Variants in SNX14 observed in about 807,000 individuals in gnomAD.
SNX14 encodes the protein sorting nexin 14.
Under a neutral mutation model 133.8 loss-of-function variants are expected in SNX14, and 93 were observed. The ratio of observed to expected loss-of-function variants is 0.70; its 90% CI spans 0.59 to 0.83. The LOEUF (loss-of-function observed/expected upper bound fraction) is 0.83. Among genes scored for constraint, SNX14 ranks in the 40% least tolerant of loss-of-function variants. SNX14 has a pLI of 0.00. For missense variants in SNX14, 945 were observed against 1,094.9 expected (o/e 0.86, Z 1.93); for synonymous variants, 368 against 365.6 (o/e 1.01, Z -0.07).
intron 6 of SNX14, among the ~76,000 whole-genome samples, chr6:85,561,620 T>C (rs190592250): frequency 9.5e-4 from 144 of 151,950 alleles, no homozygotes; most frequent in African/African-American, 3.1e-3. Context: ...AAAAGCTACA[T>C]GCAATAGAAA....
At chr6:85,567,493 C>A in intron 5 of SNX14, 41 bp downstream of exon 5, 1 of 1,362,874 alleles carries the variant, frequency 7.3e-7, no homozygotes, top group South Asian at 1.3e-5. Context: ...TAATAGTATT[C>A]ACTGTATCAC....
chr6:85,585,277 C>T (rs1466451154), intron 1 of SNX14, among the ~76,000 whole-genome samples: 1 of 151,938 alleles, frequency 6.6e-6, no homozygotes, highest in African/African-American at 2.4e-5. Context: ...AGGAGAAATA[C>T]CTAATGTAGA....
intron 12 of SNX14, among the ~76,000 whole-genome samples, chr6:85,546,808 C>A (rs1334118714): frequency 2.6e-5 from 4 of 151,862 alleles, no homozygotes; most frequent in African/African-American, 9.7e-5. Context: ...ACTAAAAATA[C>A]AAAATTAGCT....
At chr6:85,508,477 A>T in intron 26 of SNX14, 1 of 738,568 alleles carries the variant, frequency 1.4e-6, no homozygotes, top group Non-Finnish European at 1.7e-6. Flanking sequence ...TTAACACCCA[A>T]TGTAGGATAA....
At chr6:85,552,818 G>C (rs987136486) in intron 7 of SNX14, among the ~76,000 whole-genome samples, 1 of 152,154 alleles carries the variant, frequency 6.6e-6, no homozygotes, top group Non-Finnish European at 1.5e-5. Flanking sequence ...CCTGGAGAGA[G>C]TTACACCCAC....
At chr6:85,531,090 A>G (rs915780404) in intron 18 of SNX14, among the ~76,000 whole-genome samples, 1 of 152,230 alleles carries the variant, frequency 6.6e-6, no homozygotes, top group Non-Finnish European at 1.5e-5. Flanking sequence ...AGCTAATGCA[A>G]CTAAAGAACT....
rs1159717645 is a variant in SNX14, at chr6:85,514,136, G to A, written c.2491C>T (p.Leu831Phe). 1 of 1,613,908 alleles carries A rather than the reference G, an allele frequency of 6.2e-7. No individual in the cohort carries two copies. The highest frequency in any genetic ancestry group is 8.5e-7 in the Non-Finnish European group (1 of 1,179,860). The change falls in exon 25 of 29, where the codon CTT (leucine) becomes TTT (phenylalanine). Residue 831 changes from leucine (L) to phenylalanine (F), a missense_variant. This residue lies in a region of SNX14 where 412 missense variants were observed against 516.6 expected (regional missense o/e 0.80). Coordinates refer to ENST00000314673, the MANE Select transcript of SNX14 (RefSeq NM_153816.6). ...NTLEMYTDYY[L>F]QCKLEQLFQE... ...AATAGCTGTTCTAGTTTACACTGAA[G>A]ATAGTAATCAGTATACATTTCCAGG...
chr6:85,537,065 T>C (rs1218424966), intron 16 of SNX14, 141 bp from the exon 17 acceptor site: 3 of 779,212 alleles, frequency 3.9e-6, no homozygotes, highest in Non-Finnish European at 5.6e-6. Flanking sequence ...TTTGGAGTTT[T>C]CATACACGGA....
chr6:85,514,792 C>T (rs958116775), intron 23 of SNX14, among the ~76,000 whole-genome samples, 163 bp from the exon 24 acceptor site: 4 of 152,012 alleles, frequency 2.6e-5, no homozygotes, highest in African/African-American at 4.8e-5. Context: ...CCCATTTATG[C>T]CCCGAATTGC....
rs918333737 is a variant in SNX14 at position 85,519,700 on chromosome 6, C to G, written c.2108-1652G>C. Among the ~76,000 whole-genome samples, 15 of 152,112 alleles carry G rather than the reference C, an allele frequency of 9.9e-5. 1 individual carries two copies. The highest frequency in any genetic ancestry group is 6.8e-3 in the Middle Eastern group (2 of 292). ...CCTGACCAACATGGTGAAACCCCGT[C>G]TCTTCTAAAAATACAAAAATTAGCC... is the stretch of plus-strand genomic sequence containing the variant. On this transcript the variant is annotated intron_variant, in intron 21 of 28. Transcript: ENST00000314673.
chr6:85,547,470 C>A (rs1299130001), intron 10 of SNX14, 36 bp downstream of exon 10: 1 of 1,603,148 alleles, frequency 6.2e-7, no homozygotes, highest in African/African-American at 1.3e-5. Context: ...AAATTCAATG[C>A]AATCTGAAGT....
chr6:85,515,269 A>AC (rs1308216941), intron 23 of SNX14, among the ~76,000 whole-genome samples: 20 of 138,224 alleles, frequency 1.4e-4, no homozygotes, highest in African/African-American at 3.1e-4. Flanking sequence ...CGTCAAAAAA[A>AC]AAAAAAAAAA....
chr6:85,550,989 C>T (rs1396087017), intron 7 of SNX14, among the ~76,000 whole-genome samples: 1 of 152,092 alleles, frequency 6.6e-6, no homozygotes, highest in African/African-American at 2.4e-5. Flanking sequence ...CCATGTTGGC[C>T]AGGCTGGTCT....
intron 6 of SNX14, among the ~76,000 whole-genome samples, chr6:85,560,786 C>G (rs1319962284): frequency 6.6e-6 from 1 of 152,140 alleles, no homozygotes. Context: ...GTAATCCCAG[C>G]ACTTTGGGAG....
At chr6:85,523,368 T>TTTTCC (rs1777507997) in intron 21 of SNX14, among the ~76,000 whole-genome samples, 1 of 152,056 alleles carries the variant, frequency 6.6e-6, no homozygotes, top group Non-Finnish European at 1.5e-5. Flanking sequence ...GGAAACTTAG[T>TTTTCC]ACAGTTCAAA....
chr6:85,590,320 T>G (rs1802406436), intron 1 of SNX14, among the ~76,000 whole-genome samples: 2 of 152,178 alleles, frequency 1.3e-5, no homozygotes, highest in Admixed American at 1.3e-4. Context: ...TCATTTCTCT[T>G]CCTTACTAAT....
At chr6:85,520,809 G>A (rs1159301075) in intron 21 of SNX14, among the ~76,000 whole-genome samples, 2 of 152,082 alleles carry the variant, frequency 1.3e-5, no homozygotes, top group African/African-American at 4.8e-5. Context: ...GTTGCTAGTA[G>A]CCTCATGATA....
intron 7 of SNX14, among the ~76,000 whole-genome samples, chr6:85,557,587 GT>G (rs774392489): frequency 1.9e-4 from 29 of 151,852 alleles, no homozygotes; most frequent in South Asian, 1.7e-3. Flanking sequence ...CACTAAATTT[GT>G]TTTTTTTAGT....
At chr6:85,537,039 T>C (rs1782181543) in intron 16 of SNX14, 115 bp from the exon 17 acceptor site, 1 of 1,096,464 alleles carries the variant, frequency 9.1e-7, no homozygotes, top group Non-Finnish European at 1.3e-6. Context: ...AAACTAAAGG[T>C]ATAGCTAACA....
Sources: gnomAD v4.1 joint callset for allele counts (sites outside exome capture counted in the v4.1 genomes callset) on GRCh38, gnomAD v4.1.1 for gene constraint, gnomAD v4.1.1 regional missense constraint, MANE v1.5 for transcripts, NCBI Gene and HGNC (gene_info 2026-07-23, HGNC 2026-07-21) for gene names.